The following CACNA2D1 variants were observed in gnomAD, a reference collection of about 807,000 sequenced individuals.
CACNA2D1 encodes the protein calcium voltage-gated channel auxiliary subunit alpha2delta 1, also known as voltage-dependent calcium channel subunit alpha-2/delta-1.
A neutral mutation model predicts 171.5 loss-of-function variants in CACNA2D1; 53 were observed. The observed-to-expected ratio is 0.31, with a 90% CI of 0.25 to 0.39. The LOEUF (loss-of-function observed/expected upper bound fraction) is 0.39, where lower values mean the gene tolerates loss of function less well. Among genes scored for constraint, CACNA2D1 ranks in the 10% least tolerant of loss-of-function variants. The probability of loss-of-function intolerance (pLI) is 1.00; values close to 1 mark genes in which losing one functional copy is unlikely to be tolerated. For missense variants in CACNA2D1, 903 were observed against 1,299.8 expected (o/e 0.69, Z 4.69); for synonymous variants, 442 against 443.1 (o/e 1.00, Z 0.03).
chr7:82,003,692 T>C (rs1798833654), intron 18 of CACNA2D1, among the ~76,000 whole-genome samples: 1 of 150,838 alleles, frequency 6.6e-6, no homozygotes, highest in African/African-American at 2.4e-5. Flanking sequence ...TGGGTAAGGG[T>C]TAAGGTTTAT....
intron 3 of CACNA2D1, among the ~76,000 whole-genome samples, chr7:82,183,641 A>C (rs1193286017): frequency 1.3e-5 from 2 of 152,180 alleles, no homozygotes; most frequent in East Asian, 1.9e-4. Context: ...ATTGAGAAAA[A>C]CATTGCAAAA....
intron 1 of CACNA2D1, among the ~76,000 whole-genome samples, chr7:82,433,605 G>T (rs1829892336): frequency 6.6e-6 from 1 of 152,072 alleles, no homozygotes; most frequent in Non-Finnish European, 1.5e-5. Flanking sequence ...TTCCTCACCT[G>T]CCTCTATCAG....
intron 20 of CACNA2D1, among the ~76,000 whole-genome samples, chr7:81,992,172 T>C (rs1797618611): frequency 6.6e-6 from 1 of 152,002 alleles, no homozygotes; most frequent in African/African-American, 2.4e-5. Flanking sequence ...TTAATTTGCT[T>C]AGTTATTTTT....
At chr7:81,967,724 A>G in intron 29 of CACNA2D1, 61 bp from the exon 30 acceptor site, 1 of 778,772 alleles carries the variant, frequency 1.3e-6, no homozygotes, top group Non-Finnish European at 2.2e-6. Flanking sequence ...CCTTTGCAAT[A>G]TGACAGTTAT....
At chr7:82,317,165 AC>A (rs1815228343) in intron 3 of CACNA2D1, among the ~76,000 whole-genome samples, 1 of 152,230 alleles carries the variant, frequency 6.6e-6, no homozygotes, top group African/African-American at 2.4e-5. Flanking sequence ...TACCAAGAGT[AC>A]CTAGAAGTCT....
chr7:82,077,112 A>C (rs920501568), intron 7 of CACNA2D1, among the ~76,000 whole-genome samples: 2 of 152,220 alleles, frequency 1.3e-5, no homozygotes, highest in Non-Finnish European at 2.9e-5. Flanking sequence ...TAGATGTATA[A>C]GTTGACTACC....
At chr7:81,997,616 A>G (rs1584343573) in intron 18 of CACNA2D1, among the ~76,000 whole-genome samples, 1 of 151,336 alleles carries the variant, frequency 6.6e-6, no homozygotes, top group Non-Finnish European at 1.5e-5. Flanking sequence ...TGGATGACTT[A>G]TTTGGTAATA....
chr7:81,955,667 T>C (rs574410724), intron 38 of CACNA2D1, among the ~76,000 whole-genome samples: 164 of 152,016 alleles, frequency 1.1e-3, no homozygotes, highest in Admixed American at 4.7e-3. Context: ...CTCCATACCA[T>C]GAGGACTTCA....
intron 4 of CACNA2D1, among the ~76,000 whole-genome samples, chr7:82,142,613 A>T (rs1396871590): frequency 6.6e-6 from 1 of 152,190 alleles, no homozygotes; most frequent in Non-Finnish European, 1.5e-5. Flanking sequence ...ATTCAAATAG[A>T]GACTAACTTC....
At chr7:82,066,384 A>G in intron 8 of CACNA2D1, 71 bp downstream of exon 8, 3 of 1,573,330 alleles carry the variant, frequency 1.9e-6, no homozygotes, top group South Asian at 1.2e-5. Flanking sequence ...ATAATAAAAA[A>G]TTCTGACTTT....
rs1158624703 is a variant in CACNA2D1 at position 82,005,809 on chromosome 7, C to G, written c.1471G>C (p.Asp491His). 1 of 1,608,512 alleles carries G rather than the reference C, an allele frequency of 6.2e-7. No homozygotes were observed. Residue 491 changes from aspartate to histidine, a missense_variant, in exon 17 of 39, where the codon GAT becomes CAT. Around this residue, in one of 5 missense-constraint regions of CACNA2D1, gnomAD observed 623 missense variants for 925.5 expected, o/e 0.67. Coordinates refer to ENST00000356860, the MANE Select transcript of CACNA2D1 (RefSeq NM_000722.4). ...CTTTTAATATCTTCCAAAGACACAT[C>G]TACTCCCATCACACCAAGAATCAGC... Reference protein sequence around the residue: ...NQLILGVMGVDVSLEDIKRLT... With the variant: ...NQLILGVMGVHVSLEDIKRLT...
At position 82,269,253 on chromosome 7, in the gene CACNA2D1, C is replaced by G. The variant is rs993549731; in HGVS notation, c.294+65882G>C. ...ACCCCTCTGACTCATACACCCCTTA[C>G]AGCTGCCAATGTAAATTTACAAAAA... is the stretch of plus-strand genomic sequence containing the variant. On this transcript the variant is annotated intron_variant, in intron 3 of 38. Coordinates refer to ENST00000356860, the MANE Select transcript of CACNA2D1 (RefSeq NM_000722.4). Among the ~76,000 whole-genome samples, 14 of 152,266 alleles carry G rather than the reference C, an allele frequency of 9.2e-5. No homozygotes were observed. The South Asian group carries it at 2.9e-3, about 32-fold the overall frequency.
At chr7:82,089,669 T>G (rs570497335) in intron 6 of CACNA2D1, among the ~76,000 whole-genome samples, 5 of 152,194 alleles carry the variant, frequency 3.3e-5, no homozygotes, top group Non-Finnish European at 7.3e-5. Context: ...AAAAATCTAA[T>G]TTGTAACAGC....
At chr7:82,287,983 A>G (rs902267490) in intron 3 of CACNA2D1, among the ~76,000 whole-genome samples, 2 of 141,718 alleles carry the variant, frequency 1.4e-5, no homozygotes, top group Non-Finnish European at 3.0e-5. Flanking sequence ...GGAGCCCACC[A>G]CCATGCCCGG....
At chr7:82,255,659 A>G (rs1806210589) in intron 3 of CACNA2D1, among the ~76,000 whole-genome samples, 1 of 152,218 alleles carries the variant, frequency 6.6e-6, no homozygotes, top group South Asian at 2.1e-4. Context: ...TTAGATTGAC[A>G]TAAGAATTAA....
chr7:82,048,115 A>T (rs1811290), intron 10 of CACNA2D1, among the ~76,000 whole-genome samples: 149,469 of 152,318 alleles, frequency 0.98, 73,379 homozygotes, highest in Non-Finnish European at 1. Context: ...ATGAATTCTT[A>T]TAAACATTAA....
intron 8 of CACNA2D1, among the ~76,000 whole-genome samples, chr7:82,065,591 G>A (rs138196202): frequency 6.6e-6 from 1 of 152,118 alleles, no homozygotes. Flanking sequence ...TATTTAAAAG[G>A]ACATCTAAAA....
intron 9 of CACNA2D1, among the ~76,000 whole-genome samples, chr7:82,062,729 CTTTTTTTTTTTT>C (rs71520797): frequency 1.7e-4 from 9 of 52,186 alleles, no homozygotes; most frequent in Admixed American, 5.2e-4. Flanking sequence ...GGTATATCTC[CTTTTTTTTTTTT>C]TTTTTTTTTT....
intron 6 of CACNA2D1, among the ~76,000 whole-genome samples, chr7:82,113,094 T>C (rs1166768651): frequency 2.0e-5 from 3 of 152,146 alleles, no homozygotes; most frequent in Non-Finnish European, 4.4e-5. Flanking sequence ...ACTTAAATTA[T>C]AGGGTAAGTA....
Sources: allele counts gnomAD v4.1 joint callset (sites outside exome capture counted in the v4.1 genomes callset), GRCh38; gene constraint gnomAD v4.1.1; regional missense constraint gnomAD v4.1.1; transcripts MANE v1.5; gene names NCBI Gene and HGNC (gene_info 2026-07-23, HGNC 2026-07-21).